GRID2IP: variants seen among roughly 807,000 people sequenced by gnomAD.
The protein encoded by GRID2IP is Grid2 interacting protein.
Under a neutral mutation model 114.3 loss-of-function variants are expected in GRID2IP, and 78 were observed. The ratio of observed to expected loss-of-function variants is 0.68; its 90% confidence interval spans 0.57 to 0.82. GRID2IP has a LOEUF of 0.82. Ranked by LOEUF, GRID2IP falls within the 40% of genes least tolerant of loss-of-function variation. The pLI, the probability that GRID2IP is intolerant of heterozygous loss-of-function variation, is 0.00. For synonymous variants in GRID2IP, 809 were observed against 724.0 expected (o/e 1.12, Z -1.89); for missense variants, 1,727 against 1,678.5 (o/e 1.03, Z -0.51).
At position 6,508,095 on chromosome 7, in the gene GRID2IP, G is replaced by C; in HGVS notation, c.2434C>G (p.Pro812Ala). ...PLPPPVPCAP[P>A]MLSRGLGHRR... is the part of the protein sequence containing the mutation. ...TGGCCCAGGCCCCGGGACAGCATGG[G>C]GGGTGCACAGGGCACGGGTGGGGGC... Residue 812 changes from proline (P) to alanine (A), a missense_variant, in exon 13 of 22, where the codon CCC (proline) becomes GCC (alanine). Physicochemically the swap from Pro to Ala is conservative, Grantham distance 27. Transcript: ENST00000457091. This position sits in a 1 kb window ranked among gnomAD's most constrained non-coding sequence, Gnocchi z 5.6. 6.5e-7 allele frequency: 1 copy of C among 1,543,334 alleles called. No homozygotes were observed. Among genetic ancestry groups the C allele is most frequent in the Admixed American group, 2.0e-5 (1 of 50,692 alleles).
In GRID2IP at chr7:6,530,311, T is replaced by A. The variant is rs578129896; in HGVS notation, c.585-3542A>T. ...GAGAGAGACTCTCTGTCGCCCAGGA[T>A]GGAGTGCAGGGGTACACTCTTGGCT... On this transcript the variant is annotated intron_variant, in intron 2 of 21. Coordinates refer to ENST00000457091, the MANE Select transcript of GRID2IP (RefSeq NM_001145118.2). 3.2e-4 allele frequency among the ~76,000 whole-genome samples: 48 copies of A among 150,680 alleles called. No homozygotes were observed. The Middle Eastern group carries it at 0.02, about 64-fold the overall frequency.
chr7:6,513,076 C>T (rs1583339664), intron 8 of GRID2IP, among the ~76,000 whole-genome samples: 2 of 152,218 alleles, frequency 1.3e-5, no homozygotes, highest in South Asian at 2.1e-4. Context: ...GGAGGGCACG[C>T]TGAACAGACA....
intron 4 of GRID2IP, among the ~76,000 whole-genome samples, chr7:6,522,491 T>C (rs898441738): frequency 2.6e-5 from 4 of 151,004 alleles, no homozygotes; most frequent in Non-Finnish European, 5.9e-5. Flanking sequence ...AGGAGAATTA[T>C]TTTCTGTATT....
Position 6,501,865 on chromosome 7 carries a change from G to A in GRID2IP, c.3315C>T (p.Asp1105=). The A allele has an allele frequency of 1.9e-6, 3 of 1,551,604 alleles. No homozygotes were observed. The highest frequency in any genetic ancestry group is 2.6e-6 in the Non-Finnish European group (3 of 1,146,994). Residue 1105 remains aspartate, a synonymous_variant, in exon 20 of 22, where the codon GAC becomes GAT. Transcript: ENST00000457091. The stretch of plus-strand genomic sequence containing the variant: ...GTATCTCGCTGATAGTGCCATGGAG[G>A]TCAGCCAGGTCACTGGTCAGGGCCC... The part of the protein sequence containing the change: ...NQRALTSDLA[D]LHGTISEIQD...
At position 6,551,247 on chromosome 7, in the gene GRID2IP, G is replaced by C. The variant is rs1301190962; in HGVS notation, c.190C>G (p.Arg64Gly). ...GLAVGGLSRE[R>G]LVRLARRCPR... Reference sequence around the variant, plus strand: ...CAGCGCCGTGCCAGGCGCACGAGGCGCTCGCGGCTCAGACCGCCCACCGCC... The same window carrying C: ...CAGCGCCGTGCCAGGCGCACGAGGCCCTCGCGGCTCAGACCGCCCACCGCC... Residue 64 changes from arginine (R) to glycine (G), a missense_variant, in exon 1 of 22, where the codon CGC (arginine) becomes GGC (glycine). Coordinates refer to ENST00000457091, the MANE Select transcript of GRID2IP (RefSeq NM_001145118.2). 3.9e-6 allele frequency: 6 copies of C among 1,532,210 alleles called. No homozygotes were observed. The South Asian group carries it at 4.8e-5, about 12-fold the overall frequency. The allele number at this position is 1,532,210 out of a possible 1,614,324, so 94.9% of individuals were successfully genotyped here.
At position 6,539,133 on chromosome 7, in the gene GRID2IP, C is replaced by CTT. The variant is rs35413221; in HGVS notation, c.584+583_584+584dup. On this transcript the variant is annotated intron_variant, in intron 2 of 21. Transcript: ENST00000457091. ...GGGGTGGAGCAGGGCAGACTGTGAC[C>CTT]TTTTTTTTTTTTTGAGACAGTGTCT... Among the ~76,000 whole-genome samples the CTT allele has an allele frequency of 1.3e-3, 188 of 144,362 alleles. 2 individuals are homozygous for CTT. The highest frequency in any genetic ancestry group is 1.1e-3 in the Non-Finnish European group (71 of 65,752). 94.7% of individuals were successfully genotyped at this position (144,362 alleles called of 152,430 possible).
rs1779728378 is a variant in GRID2IP, at chr7:6,536,629, T to G, written c.584+3089A>C. Among the ~76,000 whole-genome samples the G allele has an allele frequency of 6.7e-6, 1 of 149,802 alleles. No homozygotes were observed. The highest frequency in any genetic ancestry group is 2.4e-5 in the African/African-American group (1 of 40,906). On this transcript the variant is annotated intron_variant, in intron 2 of 21. Coordinates refer to ENST00000457091, the MANE Select transcript of GRID2IP (RefSeq NM_001145118.2). The surrounding 1 kb of genome is among the most constrained non-coding windows in gnomAD (Gnocchi z 5.3). ...CCGGGAGACGAGCGAGCCAACTTCCTGGGGGACAGCTGGGCCGCCTGCGCC... is the reference window on the plus strand; with the variant it reads ...CCGGGAGACGAGCGAGCCAACTTCCGGGGGGACAGCTGGGCCGCCTGCGCC...
chr7:6,506,025 T>C lies in GRID2IP; in HGVS notation c.2545-118A>G. The stretch of plus-strand genomic sequence containing the variant: ...TTCCCGAGCAAAAGCACCCATCAGG[T>C]GCTGGGATAAAGCCCGGAGCAGGAG... On this transcript the variant is annotated intron_variant, in intron 13 of 21. Coordinates refer to ENST00000457091, the MANE Select transcript of GRID2IP (RefSeq NM_001145118.2). The surrounding 1 kb of genome is among the most constrained non-coding windows in gnomAD (Gnocchi z 5.2). 1.5e-6 allele frequency: 1 copy of C among 675,212 alleles called. No individual in the cohort carries two copies. Among genetic ancestry groups the C allele is most frequent in the African/African-American group, 1.8e-5 (1 of 55,872 alleles). 41.8% of individuals were successfully genotyped at this position (675,212 alleles called of 1,614,324 possible).
At chr7:6,512,367 G>A (rs1236404911) in intron 8 of GRID2IP, among the ~76,000 whole-genome samples, 4 of 150,694 alleles carry the variant, frequency 2.7e-5, no homozygotes, top group Admixed American at 6.7e-5. Context: ...GATTACAGGT[G>A]TGTGCCACCA....
intron 1 of GRID2IP, among the ~76,000 whole-genome samples, chr7:6,550,343 T>C (rs1779955260): frequency 6.6e-6 from 1 of 152,118 alleles, no homozygotes; most frequent in Admixed American, 6.6e-5. Context: ...AACATTCTGG[T>C]GTCAATTATT....
At chr7:6,512,106 G>C (rs117893801) in intron 8 of GRID2IP, among the ~76,000 whole-genome samples, 5,727 of 150,454 alleles carry the variant, frequency 0.038, 167 homozygotes, top group Non-Finnish European at 0.059. Flanking sequence ...AAGCAGAGAT[G>C]GGGTTTCACC....
At chr7:6,505,961 G>C (rs1056440029) in intron 13 of GRID2IP, 54 bp from the exon 14 acceptor site, 1 of 1,259,510 alleles carries the variant, frequency 7.9e-7, no homozygotes, top group Non-Finnish European at 1.1e-6. Context: ...AGCTGGACTG[G>C]CCTCCCACTT....
Position 6,521,476 on chromosome 7 carries a change from G to A in GRID2IP, c.1037C>T (p.Ala346Val), listed in dbSNP as rs765792714. The change falls in exon 6 of 22, where the codon GCC becomes GTC. Residue 346 changes from alanine to valine, a missense_variant. By Grantham distance (64) the Ala-to-Val change is moderately conservative. Transcript: ENST00000457091. This position sits in a 1 kb window ranked among gnomAD's most constrained non-coding sequence, Gnocchi z 4.1. ...TTCCTCCACCACCAGCGTGGGCATGGCACCACTGCCCTGCAGCATGGACAC... is the reference window on the plus strand; with the variant it reads ...TTCCTCCACCACCAGCGTGGGCATGACACCACTGCCCTGCAGCATGGACAC... ...KVVSMLQGSGAMPTLVVEEGL... is the reference protein window; with the variant it reads ...KVVSMLQGSGVMPTLVVEEGL... 9.7e-6 allele frequency: 15 copies of A among 1,549,804 alleles called. No individual in the cohort carries two copies. The highest frequency in any genetic ancestry group is 1.3e-5 in the Non-Finnish European group (15 of 1,146,182).
At chr7:6,504,235 G>C (rs1274000434) in intron 15 of GRID2IP, among the ~76,000 whole-genome samples, 1 of 149,798 alleles carries the variant, frequency 6.7e-6, no homozygotes, top group South Asian at 2.1e-4. Context: ...TGGCGGGTAG[G>C]AGCAAGGAAA....
At chr7:6,510,535 C>T (rs1786746494) in intron 10 of GRID2IP, 74 bp downstream of exon 10, 5 of 1,349,728 alleles carry the variant, frequency 3.7e-6, no homozygotes, top group Non-Finnish European at 5.0e-6. Context: ...GCCTGGGTCT[C>T]CTGGGCCCAG....
At position 6,500,909 on chromosome 7, in the gene GRID2IP, T is replaced by A. The variant is rs187506486; in HGVS notation, c.3399+872A>T. On this transcript the variant is annotated intron_variant, in intron 20 of 21. Coordinates refer to ENST00000457091, the MANE Select transcript of GRID2IP (RefSeq NM_001145118.2). ...TCCCACCCTCCTGACTGCCTTTGGC[T>A]GGTAGGGCCTGACAGGCTGCTCCTT... Among the ~76,000 whole-genome samples, 5 of 152,342 alleles carry A rather than the reference T, an allele frequency of 3.3e-5. No homozygotes were observed. The East Asian group carries it at 9.6e-4, about 29-fold the overall frequency.
At chr7:6,524,304 A>C (rs1002609771) in intron 4 of GRID2IP, among the ~76,000 whole-genome samples, 1 of 152,232 alleles carries the variant, frequency 6.6e-6, no homozygotes, top group Non-Finnish European at 1.5e-5. Context: ...TGTGGAAAGA[A>C]TGCATTGGCA....
chr7:6,540,098 C>T (rs1159778740), intron 1 of GRID2IP, among the ~76,000 whole-genome samples: 1 of 148,282 alleles, frequency 6.7e-6, no homozygotes, highest in Non-Finnish European at 1.5e-5. Context: ...CCTCCCCTCC[C>T]CTCCCCTCCC....
chr7:6,505,809 A>G lies in GRID2IP; in HGVS notation c.2632+11T>C, dbSNP rs1351169746. The G allele has an allele frequency of 2.4e-5, 37 of 1,536,564 alleles. No individual in the cohort carries two copies. Among genetic ancestry groups the G allele is most frequent in the East Asian group, 2.4e-5 (1 of 40,872 alleles). On this transcript the variant is annotated intron_variant, in intron 14 of 21. Transcript: ENST00000457091. ...TATCTGGGGTTCCCCCAAGGCCATCAGGCCACTCACTAGCAGGTTTCTGGG... is the reference window on the plus strand; with the variant it reads ...TATCTGGGGTTCCCCCAAGGCCATCGGGCCACTCACTAGCAGGTTTCTGGG...
Sources: gnomAD v4.1 joint callset for allele counts (sites outside exome capture counted in the v4.1 genomes callset) on GRCh38, gnomAD v4.1.1 for gene constraint, Gnocchi (gnomAD v3.1) non-coding constraint, MANE v1.5 for transcripts, NCBI Gene and HGNC (gene_info 2026-07-23, HGNC 2026-07-21) for gene names.